The following TSHZ2 variants were observed in gnomAD, a reference collection of about 807,000 sequenced individuals.
TSHZ2 encodes the protein teashirt homolog 2.
TSHZ2 carries 21 observed loss-of-function variants against 74.4 expected under a neutral mutation model. That is an observed-to-expected ratio of 0.28 (90% CI 0.20 to 0.41). The LOEUF (loss-of-function observed/expected upper bound fraction) is 0.41. Ranked by LOEUF, TSHZ2 falls within the 10% of genes least tolerant of loss-of-function variation. TSHZ2 has a pLI of 1.00. For missense variants in TSHZ2, 1,244 were observed against 1,293.5 expected (o/e 0.96, Z 0.59); for synonymous variants, 540 against 515.3 (o/e 1.05, Z -0.65).
intron 2 of TSHZ2, among the ~76,000 whole-genome samples, chr20:53,305,682 A>G (rs1978507132): frequency 6.6e-6 from 1 of 152,096 alleles, no homozygotes; most frequent in South Asian, 2.1e-4. Flanking sequence ...TGTACAATAT[A>G]AAAATGTGTT....
Position 53,248,236 on chromosome 20 carries a change from AT to A in TSHZ2, c.41-5253del, listed in dbSNP as rs763355998. On this transcript the variant is annotated intron_variant, in intron 1 of 2. Transcript: ENST00000371497. ...TAGGCATGCACCATTATGCCTGGCT[AT>A]TTTTTTTTTATTTTTTTTGTAGAAA... 2.0e-3 allele frequency among the ~76,000 whole-genome samples: 284 copies of A among 144,952 alleles called. 2 individuals are homozygous for A. The highest frequency in any genetic ancestry group is 6.8e-3 in the African/African-American group (267 of 39,144).
chr20:53,073,773 G>T (rs1985280083), intron 1 of TSHZ2, among the ~76,000 whole-genome samples: 1 of 151,848 alleles, frequency 6.6e-6, no homozygotes, highest in Non-Finnish European at 1.5e-5. Context: ...AAAAAAACTG[G>T]TCTATTTTCA....
At chr20:53,147,664 C>T (rs577387547) in intron 1 of TSHZ2, among the ~76,000 whole-genome samples, 1 of 152,224 alleles carries the variant, frequency 6.6e-6, no homozygotes, top group African/African-American at 2.4e-5. Flanking sequence ...ATATTCAGTT[C>T]CATCATATCT....
intron 1 of TSHZ2, among the ~76,000 whole-genome samples, chr20:53,023,634 TTTTG>T (rs1983328822): frequency 4.5e-5 from 1 of 22,160 alleles, no homozygotes; most frequent in African/African-American, 1.3e-4. Context: ...TTTTTTTGCT[TTTTG>T]TTTTTTATGA....
chr20:53,178,864 TTTTTCA>T (rs1988405577), intron 1 of TSHZ2: 2 of 152,366 alleles, frequency 1.3e-5, no homozygotes, highest in African/African-American at 4.8e-5. Flanking sequence ...AGCTATATCC[TTTTTCA>T]TTTTCTTCTA....
intron 1 of TSHZ2, among the ~76,000 whole-genome samples, chr20:53,035,841 A>G (rs1983799389): frequency 6.6e-6 from 1 of 152,188 alleles, no homozygotes; most frequent in Non-Finnish European, 1.5e-5. Context: ...CTTTTATACT[A>G]CAAAGATTAG....
At chr20:53,170,532 G>A (rs962434567) in intron 1 of TSHZ2, among the ~76,000 whole-genome samples, 36 of 152,138 alleles carry the variant, frequency 2.4e-4, no homozygotes, top group Non-Finnish European at 4.6e-4. Flanking sequence ...GGTGGCGGGG[G>A]CCGGGGAGGC....
intron 2 of TSHZ2, among the ~76,000 whole-genome samples, chr20:53,338,338 A>G (rs530693845): frequency 2.0e-5 from 3 of 152,332 alleles, no homozygotes; most frequent in South Asian, 2.1e-4. Flanking sequence ...CAATGGAAAC[A>G]TCGGTGAAGC....
intron 2 of TSHZ2, among the ~76,000 whole-genome samples, chr20:53,355,592 T>C (rs1239099845): frequency 6.6e-6 from 1 of 152,194 alleles, no homozygotes; most frequent in Non-Finnish European, 1.5e-5. Context: ...AAGTGGTTCC[T>C]AAGGACTAGG....
At chr20:53,439,492 A>G (rs1984229676) in intron 2 of TSHZ2, among the ~76,000 whole-genome samples, 1 of 152,234 alleles carries the variant, frequency 6.6e-6, no homozygotes, top group South Asian at 2.1e-4. Context: ...CTTTGTTATT[A>G]AAAGCAGGAT....
At chr20:53,002,482 C>A (rs577865039) in intron 1 of TSHZ2, among the ~76,000 whole-genome samples, 1 of 152,094 alleles carries the variant, frequency 6.6e-6, no homozygotes, top group African/African-American at 2.4e-5. Context: ...GAAAAATAAA[C>A]CAAGGCTCAA....
intron 1 of TSHZ2, among the ~76,000 whole-genome samples, chr20:53,205,549 C>T (rs1989148059): frequency 6.6e-6 from 1 of 152,150 alleles, no homozygotes; most frequent in Admixed American, 6.6e-5. Context: ...AGATCTACAT[C>T]TTCCTTCTTT....
chr20:53,355,243 AC>A (rs1358939177), intron 2 of TSHZ2, among the ~76,000 whole-genome samples: 1 of 152,194 alleles, frequency 6.6e-6, no homozygotes, highest in African/African-American at 2.4e-5. Flanking sequence ...TTCTAAGAGA[AC>A]ACCTGGGAGA....
Position 52,975,520 on chromosome 20 carries a change from G to T in TSHZ2, c.40+2187G>T, listed in dbSNP as rs576418593. On this transcript the variant is annotated intron_variant, in intron 1 of 2. Coordinates refer to ENST00000371497, the MANE Select transcript of TSHZ2 (RefSeq NM_173485.6). The stretch of plus-strand genomic sequence containing the variant: ...GTTTATTGGTGTGTGTGGGTGTGTG[G>T]GGGTGTGTGTGTGTGTGTGTTAGAA... 2.1e-3 allele frequency among the ~76,000 whole-genome samples: 301 copies of T among 140,088 alleles called. 6 individuals are homozygous for T. Among genetic ancestry groups the T allele is most frequent in the East Asian group, 9.3e-4 (3 of 3,212 alleles). The allele number at this position is 140,088 out of a possible 152,430, so 91.9% of individuals were successfully genotyped here.
At chr20:53,165,490 T>C (rs1037500448) in intron 1 of TSHZ2, among the ~76,000 whole-genome samples, 1 of 152,236 alleles carries the variant, frequency 6.6e-6, no homozygotes, top group Admixed American at 6.5e-5. Flanking sequence ...TAGCTACAGA[T>C]GCTAGGGAGA....
intron 1 of TSHZ2, among the ~76,000 whole-genome samples, chr20:53,085,481 C>G (rs927150651): frequency 2.0e-5 from 3 of 152,184 alleles, no homozygotes; most frequent in Admixed American, 6.5e-5. Flanking sequence ...TGGGGAAACA[C>G]ACCGAGGAGA....
At chr20:53,212,342 T>G (rs1989331468) in intron 1 of TSHZ2, among the ~76,000 whole-genome samples, 1 of 152,252 alleles carries the variant, frequency 6.6e-6, no homozygotes, top group South Asian at 2.1e-4. Context: ...ATGGTTTATT[T>G]AATGATGATA....
At position 53,491,532 on chromosome 20, in the gene TSHZ2, C is replaced by T. The variant is rs1178249125; in HGVS notation, c.*4397C>T. On this transcript the variant is annotated 3_prime_UTR_variant, in exon 3 of 3. Coordinates refer to ENST00000371497, the MANE Select transcript of TSHZ2 (RefSeq NM_173485.6). ...ACTTCTTCATCCAAAGTAAAAGCCA[C>T]TTATCTCCTTTGGTTCCCAGTGACA... The T allele has an allele frequency of 3.9e-5, 6 of 152,204 alleles. No homozygotes were observed. The highest frequency in any genetic ancestry group is 1.2e-4 in the African/African-American group (5 of 41,450). The allele number at this position is 152,204 out of a possible 1,614,324, so 9.4% of individuals were successfully genotyped here.
Position 53,255,033 on chromosome 20 carries a change from C to T in TSHZ2, c.1575C>T (p.Thr525=). 1 of 1,614,108 alleles carries T rather than the reference C, an allele frequency of 6.2e-7. No individual in the cohort carries two copies. Among genetic ancestry groups the T allele is most frequent in the Non-Finnish European group, 8.5e-7 (1 of 1,180,022 alleles). ...TGAAATCTTTGGAAAATACTGTCAC[C>T]ACAGCCATCAACAAAGCCCAAAACG... The part of the protein sequence containing the change: ...DILKSLENTV[T]TAINKAQNGA... The change falls in exon 2 of 3, where the codon ACC becomes ACT. Residue 525 remains threonine, a synonymous_variant. Transcript: ENST00000371497. The surrounding 1 kb of genome is among the most constrained non-coding windows in gnomAD (Gnocchi z 4.1).
Sources: allele counts gnomAD v4.1 joint callset (sites outside exome capture counted in the v4.1 genomes callset), GRCh38; gene constraint gnomAD v4.1.1; non-coding constraint Gnocchi (gnomAD v3.1); transcripts MANE v1.5; gene names NCBI Gene and HGNC (gene_info 2026-07-23, HGNC 2026-07-21).